The following OR3A2 variants were observed in gnomAD, a reference collection of about 807,000 sequenced individuals.
The protein encoded by OR3A2 is olfactory receptor 3A2.
For synonymous variants in OR3A2, 126 were observed against 159.3 expected, an observed-to-expected ratio of 0.79 and a Z score of 1.57; for missense variants, 318 against 392.8, an observed-to-expected ratio of 0.81 and a Z score of 1.61.
At chr17:3,360,265 G>GTTGT (rs553296540) in intron 2 of OR3A2, among the ~76,000 whole-genome samples, 97,341 of 150,650 alleles carry the variant, frequency 0.65, 34,394 homozygotes, top group East Asian at 0.99. Context: ...TTTTGATGGG[G>GTTGT]TTGTTTTTTT....
chr17:3,321,865 C>A (rs537999161), intron 3 of OR3A2, among the ~76,000 whole-genome samples: 1 of 151,788 alleles, frequency 6.6e-6, no homozygotes, highest in African/African-American at 2.4e-5. Context: ...TCTCTGCCAG[C>A]CTTTGGTATC....
chr17:3,380,632 G>C (rs968866232), intron 2 of OR3A2, among the ~76,000 whole-genome samples: 9 of 152,228 alleles, frequency 5.9e-5, no homozygotes, highest in Admixed American at 5.9e-4. Flanking sequence ...GAAGTTGGCA[G>C]AAGGAAGTAG....
chr17:3,290,388 TC>T (rs1055205410), intron 3 of OR3A2, among the ~76,000 whole-genome samples: 5 of 152,178 alleles, frequency 3.3e-5, no homozygotes, highest in African/African-American at 9.7e-5. Flanking sequence ...TGCAATTCTC[TC>T]CCAGTTCTCC....
intron 2 of OR3A2, among the ~76,000 whole-genome samples, chr17:3,378,371 G>T (rs1219615072): frequency 6.6e-6 from 1 of 152,366 alleles, no homozygotes; most frequent in South Asian, 2.1e-4. Flanking sequence ...CAATGCCCAG[G>T]CTCGGCCACA....
intron 2 of OR3A2, among the ~76,000 whole-genome samples, chr17:3,355,877 G>A (rs1022266432): frequency 2.7e-5 from 4 of 150,942 alleles, no homozygotes; most frequent in Non-Finnish European, 1.5e-5. Context: ...TTGCTTTATG[G>A]TCTTTTCTTC....
chr17:3,372,098 CTT>C (rs969648312), intron 2 of OR3A2, among the ~76,000 whole-genome samples: 3 of 148,082 alleles, frequency 2.0e-5, no homozygotes, highest in African/African-American at 7.6e-5. Context: ...GGTCTCCTCT[CTT>C]CTCAGACGGG....
chr17:3,379,326 G>C (rs1441164726), intron 2 of OR3A2, among the ~76,000 whole-genome samples: 5 of 152,288 alleles, frequency 3.3e-5, no homozygotes, highest in African/African-American at 9.6e-5. Context: ...GGACACGACA[G>C]TCAAAAGGCT....
At chr17:3,326,827 G>C (rs1322515152) in intron 3 of OR3A2, among the ~76,000 whole-genome samples, 2 of 139,878 alleles carry the variant, frequency 1.4e-5, no homozygotes, top group Non-Finnish European at 3.0e-5. Flanking sequence ...TCTTGCGATA[G>C]TTTACTGAGA....
intron 2 of OR3A2, among the ~76,000 whole-genome samples, chr17:3,367,346 T>G (rs994448035): frequency 1.3e-5 from 2 of 152,032 alleles, no homozygotes; most frequent in Non-Finnish European, 2.9e-5. Context: ...TGTGTAATCT[T>G]TTATCCCTCA....
intron 2 of OR3A2, among the ~76,000 whole-genome samples, chr17:3,378,994 G>T (rs1439941655): frequency 1.3e-5 from 2 of 152,190 alleles, no homozygotes; most frequent in Non-Finnish European, 2.9e-5. Context: ...ACTCACAGGG[G>T]AGAAATGCCT....
intron 3 of OR3A2, among the ~76,000 whole-genome samples, chr17:3,299,718 G>C (rs1337113690): frequency 6.6e-6 from 1 of 152,120 alleles, no homozygotes; most frequent in Non-Finnish European, 1.5e-5. Context: ...AAACACTGAC[G>C]TGGTGTACAC....
In OR3A2 at chr17:3,371,858, G is replaced by A. The variant is rs1345090758; in HGVS notation, c.-179+11946C>T. 1.2e-4 allele frequency among the ~76,000 whole-genome samples: 17 copies of A among 141,444 alleles called. 1 individual carries two copies. The East Asian group carries it at 1.6e-3, about 14-fold the overall frequency. The allele number at this position is 141,444 out of a possible 152,430, so 92.8% of individuals were successfully genotyped here. On this transcript the variant is annotated intron_variant, in intron 2 of 4. Transcript: ENST00000573491. ...CCACCACCTCCCGCCCGGACGGGGC[G>A]GCTGGCCGGGAGGGGAGCTGACCCC... is the stretch of plus-strand genomic sequence containing the variant.
chr17:3,332,734 C>T (rs906088038), intron 3 of OR3A2, among the ~76,000 whole-genome samples: 1 of 152,188 alleles, frequency 6.6e-6, no homozygotes, highest in Non-Finnish European at 1.5e-5. Context: ...CCCTCTTATG[C>T]CTGTCTTTAC....
chr17:3,333,802 T>C (rs1410904222), intron 3 of OR3A2, among the ~76,000 whole-genome samples: 3 of 152,098 alleles, frequency 2.0e-5, no homozygotes, highest in Admixed American at 1.3e-4. Flanking sequence ...TAAACTATCA[T>C]CAGAGTGAAC....
At chr17:3,371,308 C>G (rs889711535) in intron 2 of OR3A2, among the ~76,000 whole-genome samples, 1 of 151,498 alleles carries the variant, frequency 6.6e-6, no homozygotes, top group South Asian at 2.1e-4. Flanking sequence ...CCTCACTTCC[C>G]AGTAGGGGCG....
intron 3 of OR3A2, among the ~76,000 whole-genome samples, chr17:3,312,764 C>A (rs1399839307): frequency 1.3e-5 from 2 of 152,242 alleles, no homozygotes; most frequent in South Asian, 4.1e-4. Flanking sequence ...GCTGGGATTA[C>A]AGGTGCCTGC....
At chr17:3,314,771 A>T (rs1301906781) in intron 3 of OR3A2, among the ~76,000 whole-genome samples, 1 of 152,132 alleles carries the variant, frequency 6.6e-6, no homozygotes, top group African/African-American at 2.4e-5. Flanking sequence ...TGATGCTGAG[A>T]TTTGGAGTCC....
chr17:3,347,023 A>G (rs1007201977), intron 2 of OR3A2, among the ~76,000 whole-genome samples: 5 of 152,136 alleles, frequency 3.3e-5, no homozygotes, highest in Non-Finnish European at 5.9e-5. Context: ...TCTCTTTGAT[A>G]TATTGATTTT....
At chr17:3,276,274 A>G (rs1008291807), downstream of OR3A2, among the ~76,000 whole-genome samples, 12 of 152,214 alleles carry the variant, frequency 7.9e-5, no homozygotes, top group African/African-American at 2.7e-4. Flanking sequence ...GTTAGTCTTC[A>G]TTATGTAAAA....
Sources: gnomAD v4.1 joint callset for allele counts (sites outside exome capture counted in the v4.1 genomes callset) on GRCh38, gnomAD v4.1.1 for gene constraint, MANE v1.5 for transcripts, NCBI Gene and HGNC (gene_info 2026-07-23, HGNC 2026-07-21) for gene names.